AK5: variants seen among roughly 807,000 people sequenced by gnomAD.
AK5 encodes the protein adenylate kinase 5.
Under a neutral mutation model 69.5 loss-of-function variants are expected in AK5, and 27 were observed. The ratio of observed to expected loss-of-function variants is 0.39; its 90% CI spans 0.29 to 0.54. The LOEUF (loss-of-function observed/expected upper bound fraction) is 0.54, where lower values mean the gene tolerates loss of function less well. AK5 is among the 20% of genes least tolerant of loss of function. The probability of loss-of-function intolerance (pLI) is 0.71; values close to 1 mark genes in which losing one functional copy is unlikely to be tolerated. For synonymous variants in AK5, 260 were observed against 244.4 expected (o/e 1.06, Z -0.60); for missense variants, 531 against 700.4 (o/e 0.76, Z 2.73).
chr1:77,483,776 T>C (rs1227082551), intron 9 of AK5, among the ~76,000 whole-genome samples: 1 of 152,188 alleles, frequency 6.6e-6, no homozygotes, highest in African/African-American at 2.4e-5. Flanking sequence ...CAAAAATATT[T>C]TTCCTGCCTG....
chr1:77,481,829 A>G (rs936318538), intron 8 of AK5, among the ~76,000 whole-genome samples: 2 of 152,244 alleles, frequency 1.3e-5, no homozygotes, highest in Admixed American at 6.5e-5. Flanking sequence ...AATGATATTT[A>G]TGCCAATTTA....
At chr1:77,377,562 C>G (rs562189817) in intron 6 of AK5, among the ~76,000 whole-genome samples, 2 of 152,312 alleles carry the variant, frequency 1.3e-5, no homozygotes, top group African/African-American at 4.8e-5. Context: ...CTAGCCTAGT[C>G]CTTTCCAACC....
chr1:77,548,254 A>G (rs892123022), intron 13 of AK5, among the ~76,000 whole-genome samples: 1 of 152,226 alleles, frequency 6.6e-6, no homozygotes, highest in African/African-American at 2.4e-5. Flanking sequence ...CAATGTATAT[A>G]TAGTCCTCCT....
chr1:77,536,147 A>G lies in AK5; in HGVS notation c.1620+109A>G, dbSNP rs946986578. 1.1e-5 allele frequency: 14 copies of G among 1,237,824 alleles called. No homozygotes were observed. The Admixed American group carries it at 1.7e-4, about 15-fold the overall frequency. 76.7% of individuals were successfully genotyped at this position (1,237,824 alleles called of 1,614,324 possible). ...TTTAGTTAAGGGATCTGGGAATTAG[A>G]ACTCTGTGCAGCTGCAGCACTGGGG... On this transcript the variant is annotated intron_variant, in intron 13 of 13. Coordinates refer to ENST00000354567, the MANE Select transcript of AK5 (RefSeq NM_174858.3).
intron 8 of AK5, among the ~76,000 whole-genome samples, chr1:77,451,701 A>T (rs1361379743): frequency 6.6e-6 from 1 of 152,236 alleles, no homozygotes; most frequent in Non-Finnish European, 1.5e-5. Flanking sequence ...TCAGGGTTGT[A>T]CTTGCAGTTT....
At position 77,415,210 on chromosome 1, in the gene AK5, T is replaced by C. The variant is rs561635243; in HGVS notation, c.983-2429T>C. 2.0e-5 allele frequency among the ~76,000 whole-genome samples: 3 copies of C among 152,332 alleles called. No homozygotes were observed. The South Asian group carries it at 6.2e-4, about 32-fold the overall frequency. On this transcript the variant is annotated intron_variant, in intron 7 of 13. Coordinates refer to ENST00000354567, the MANE Select transcript of AK5 (RefSeq NM_174858.3). ...TTCATTCTACCATTGCTGATGATAGTTTTCTAATTATCTTGCTCCGTTTTC... is the reference window on the plus strand; with the variant it reads ...TTCATTCTACCATTGCTGATGATAGCTTTCTAATTATCTTGCTCCGTTTTC...
At chr1:77,517,468 T>C (rs939300959) in intron 10 of AK5, among the ~76,000 whole-genome samples, 5 of 152,196 alleles carry the variant, frequency 3.3e-5, no homozygotes, top group African/African-American at 1.2e-4. Flanking sequence ...TGGATTTAAC[T>C]TCTCTGTGCC....
intron 11 of AK5, among the ~76,000 whole-genome samples, chr1:77,519,022 C>G (rs1657832238): frequency 6.6e-6 from 1 of 152,088 alleles, no homozygotes; most frequent in Admixed American, 6.6e-5. Flanking sequence ...ATTGGAAAGG[C>G]TTCAAAATAG....
At chr1:77,316,364 G>A (rs1268855582) in intron 5 of AK5, among the ~76,000 whole-genome samples, 8 of 151,758 alleles carry the variant, frequency 5.3e-5, no homozygotes, top group Non-Finnish European at 1.0e-4. Context: ...ATTTCCTCTA[G>A]GATCTGTAAT....
chr1:77,487,029 C>T (rs575822643), intron 10 of AK5, among the ~76,000 whole-genome samples: 1 of 152,226 alleles, frequency 6.6e-6, no homozygotes, highest in Non-Finnish European at 1.5e-5. Flanking sequence ...AAATATAGCT[C>T]AATAGCCAGA....
intron 5 of AK5, among the ~76,000 whole-genome samples, chr1:77,316,286 G>C (rs1417125314): frequency 6.6e-6 from 1 of 152,144 alleles, no homozygotes; most frequent in Non-Finnish European, 1.5e-5. Flanking sequence ...TGTGGGATGA[G>C]AGAGTGAGGC....
chr1:77,360,587 A>C (rs538037070), intron 6 of AK5, among the ~76,000 whole-genome samples: 20 of 152,332 alleles, frequency 1.3e-4, no homozygotes, highest in Admixed American at 1.3e-3. Context: ...CTAAGGCAGC[A>C]GTTAGAAGGG....
At chr1:77,482,138 A>G (rs948319431) in intron 8 of AK5, among the ~76,000 whole-genome samples, 4 of 152,202 alleles carry the variant, frequency 2.6e-5, no homozygotes, top group African/African-American at 4.8e-5. Flanking sequence ...AGATCATAAT[A>G]TCTATTTATG....
At chr1:77,547,268 TCTC>T (rs968761565) in intron 13 of AK5, among the ~76,000 whole-genome samples, 7 of 118,830 alleles carry the variant, frequency 5.9e-5, no homozygotes, top group Non-Finnish European at 1.4e-4. Flanking sequence ...AATATAAAGT[TCTC>T]TTTTTTTTTT....
chr1:77,482,992 TAAAAAAAAAAAAAAAAAAAAAAAAAAA>T (rs56718956), intron 8 of AK5, among the ~76,000 whole-genome samples: 1,137 of 43,938 alleles, frequency 0.026, 38 homozygotes, highest in East Asian at 0.12. Context: ...TTTTGCACTT[TAAAAAAAAAAAAAAAAAAAAAAAAAAA>T]AAAAAAAAAA....
At chr1:77,417,409 A>C (rs2100582200) in intron 7 of AK5, among the ~76,000 whole-genome samples, 1 of 152,244 alleles carries the variant, frequency 6.6e-6, no homozygotes, top group Admixed American at 6.5e-5. Context: ...CTTGTTGACA[A>C]ATTATTCTTC....
intron 6 of AK5, among the ~76,000 whole-genome samples, chr1:77,391,462 TATAC>T (rs1186560824): frequency 3.1e-5 from 4 of 128,282 alleles, no homozygotes; most frequent in South Asian, 2.7e-4. Flanking sequence ...TGTATATATA[TATAC>T]ACATATGTGT....
At chr1:77,342,150 G>A (rs183506742) in intron 6 of AK5, among the ~76,000 whole-genome samples, 1 of 152,032 alleles carries the variant, frequency 6.6e-6, no homozygotes, top group East Asian at 1.9e-4. Context: ...TGCCCACCTC[G>A]GCCTCCCAAA....
Position 77,535,744 on chromosome 1 carries a change from G to A in AK5, c.1429-103G>A, listed in dbSNP as rs549883652. 12 of 1,039,792 alleles carry A rather than the reference G, an allele frequency of 1.2e-5. No individual in the cohort carries two copies. The African/African-American group carries it at 1.6e-4, about 14-fold the overall frequency. 64.4% of individuals were successfully genotyped at this position (1,039,792 alleles called of 1,614,324 possible). On this transcript the variant is annotated intron_variant, in intron 12 of 13. Coordinates refer to ENST00000354567, the MANE Select transcript of AK5 (RefSeq NM_174858.3). ...ATAGTGTAATGCTGGGACCTTGAAG[G>A]GAACCAGAAGGCCAAGAAAGGAAAA...
Sources: gnomAD v4.1 joint callset for allele counts (sites outside exome capture counted in the v4.1 genomes callset) on GRCh38, gnomAD v4.1.1 for gene constraint, MANE v1.5 for transcripts, NCBI Gene and HGNC (gene_info 2026-07-23, HGNC 2026-07-21) for gene names.